Variants in DSCAM observed in about 807,000 individuals in gnomAD.
DSCAM encodes cell adhesion molecule DSCAM.
A neutral mutation model predicts 217.7 loss-of-function variants in DSCAM; 47 were observed. That is an observed-to-expected ratio of 0.22 (90% CI 0.17 to 0.28). The LOEUF (loss-of-function observed/expected upper bound fraction) is 0.28, where lower values mean the gene tolerates loss of function less well. Among genes scored for constraint, DSCAM ranks in the 10% least tolerant of loss-of-function variants. The probability of loss-of-function intolerance (pLI) is 1.00; values close to 1 mark genes in which losing one functional copy is unlikely to be tolerated. For missense variants in DSCAM, 2,080 were observed against 2,618.3 expected, an observed-to-expected ratio of 0.79 and a Z score of 4.49; for synonymous variants, 1,056 against 1,015.3, an observed-to-expected ratio of 1.04 and a Z score of -0.76.
intron 4 of DSCAM, among the ~76,000 whole-genome samples, chr21:40,360,391 C>T (rs1601585230): frequency 6.6e-6 from 1 of 152,036 alleles, no homozygotes; most frequent in East Asian, 1.9e-4. Flanking sequence ...ATCTAGGCCT[C>T]CCAAAGTGCT....
intron 1 of DSCAM, among the ~76,000 whole-genome samples, chr21:40,801,356 C>T (rs1569043105): frequency 6.6e-6 from 1 of 152,152 alleles, no homozygotes; most frequent in Non-Finnish European, 1.5e-5. Context: ...AAGCTCTCAT[C>T]TTGGCCAAGT....
At chr21:40,656,328 T>C (rs1205449471) in intron 3 of DSCAM, among the ~76,000 whole-genome samples, 1 of 152,192 alleles carries the variant, frequency 6.6e-6, no homozygotes, top group Non-Finnish European at 1.5e-5. Flanking sequence ...CACCAGCCCC[T>C]TCAAAATCCT....
intron 32 of DSCAM, among the ~76,000 whole-genome samples, chr21:40,013,959 C>T (rs1354721437): frequency 1.3e-5 from 2 of 152,248 alleles, no homozygotes; most frequent in African/African-American, 2.4e-5. Context: ...CTAACTTCTG[C>T]GTGGCTCTTC....
chr21:40,516,908 C>A (rs1039449537), intron 3 of DSCAM, among the ~76,000 whole-genome samples: 2 of 134,054 alleles, frequency 1.5e-5, no homozygotes, highest in Non-Finnish European at 3.3e-5. Flanking sequence ...TATATATATA[C>A]ACACACACAC....
intron 16 of DSCAM, among the ~76,000 whole-genome samples, chr21:40,165,413 T>G (rs2146768767): frequency 6.6e-6 from 1 of 152,346 alleles, no homozygotes; most frequent in East Asian, 1.9e-4. Context: ...CAAGTCTGCC[T>G]GCTGACAGGC....
At chr21:40,459,185 C>A (rs2075786720) in intron 3 of DSCAM, among the ~76,000 whole-genome samples, 1 of 151,758 alleles carries the variant, frequency 6.6e-6, no homozygotes, top group African/African-American at 2.4e-5. Context: ...TTAAATAAAT[C>A]AAAAGTTTTG....
chr21:40,460,542 T>C (rs908493004), intron 3 of DSCAM, among the ~76,000 whole-genome samples: 2 of 152,000 alleles, frequency 1.3e-5, no homozygotes, highest in African/African-American at 4.8e-5. Flanking sequence ...AGTAGGAAAA[T>C]GTTTTGTAAT....
chr21:40,733,569 A>G (rs546261126), intron 1 of DSCAM, among the ~76,000 whole-genome samples: 2 of 152,162 alleles, frequency 1.3e-5, no homozygotes, highest in Non-Finnish European at 2.9e-5. Context: ...CAAAATGTCA[A>G]TAGGCCGCTG....
intron 8 of DSCAM, among the ~76,000 whole-genome samples, chr21:40,313,972 G>A (rs1047980735): frequency 7.2e-5 from 11 of 152,154 alleles, no homozygotes; most frequent in African/African-American, 2.7e-4. Context: ...TAAGGAAGAG[G>A]TAAGGGATCC....
At chr21:40,425,826 T>A (rs896026851) in intron 3 of DSCAM, among the ~76,000 whole-genome samples, 6 of 152,098 alleles carry the variant, frequency 3.9e-5, no homozygotes, top group African/African-American at 1.4e-4. Context: ...CACACACACA[T>A]GCATGTGTAT....
At chr21:40,197,019 C>G (rs80154632) in intron 11 of DSCAM, among the ~76,000 whole-genome samples, 1 of 152,178 alleles carries the variant, frequency 6.6e-6, no homozygotes, top group Non-Finnish European at 1.5e-5. Context: ...CACCAAACAC[C>G]GCCTTTAAAT....
intron 3 of DSCAM, among the ~76,000 whole-genome samples, chr21:40,422,473 A>T (rs1021882545): frequency 8.0e-6 from 1 of 124,366 alleles, no homozygotes; most frequent in African/African-American, 2.6e-5. Context: ...CTACTAAAAA[A>T]AAATATATAT....
At chr21:40,209,422 G>A (rs1187751641) in intron 11 of DSCAM, among the ~76,000 whole-genome samples, 2 of 151,262 alleles carry the variant, frequency 1.3e-5, no homozygotes, top group Non-Finnish European at 2.9e-5. Flanking sequence ...TTCCTCTTCT[G>A]CTCTCTTTTC....
intron 1 of DSCAM, among the ~76,000 whole-genome samples, chr21:40,835,899 C>T (rs1353722817): frequency 6.6e-6 from 1 of 152,098 alleles, no homozygotes; most frequent in Non-Finnish European, 1.5e-5. Flanking sequence ...TTTTTTCTGA[C>T]AACTTAGGAT....
intron 11 of DSCAM, among the ~76,000 whole-genome samples, chr21:40,199,333 C>CT (rs1304612642): frequency 1.3e-5 from 2 of 152,152 alleles, no homozygotes; most frequent in Non-Finnish European, 2.9e-5. Flanking sequence ...AGATCTCATT[C>CT]TTTTTTATGG....
intron 3 of DSCAM, among the ~76,000 whole-genome samples, chr21:40,553,740 T>A (rs1302095399): frequency 1.3e-5 from 2 of 152,162 alleles, no homozygotes; most frequent in East Asian, 3.8e-4. Flanking sequence ...GCTTCAATTC[T>A]CAAATCCATT....
intron 6 of DSCAM, among the ~76,000 whole-genome samples, chr21:40,346,691 T>C (rs1764837635): frequency 6.6e-6 from 1 of 152,184 alleles, no homozygotes; most frequent in Non-Finnish European, 1.5e-5. Flanking sequence ...AAGCAAATCG[T>C]ATCACATATC....
intron 3 of DSCAM, among the ~76,000 whole-genome samples, chr21:40,675,723 G>C (rs986132193): frequency 2.0e-5 from 3 of 152,132 alleles, no homozygotes; most frequent in African/African-American, 7.2e-5. Flanking sequence ...ATAATAACCT[G>C]ATGTGCACAA....
intron 3 of DSCAM, among the ~76,000 whole-genome samples, chr21:40,391,691 G>C (rs2075135299): frequency 6.6e-6 from 1 of 152,176 alleles, no homozygotes; most frequent in Admixed American, 6.5e-5. Context: ...GTCCCACATA[G>C]CATCAGGTAT....
Sources: gnomAD v4.1 joint callset for allele counts (sites outside exome capture counted in the v4.1 genomes callset) on GRCh38, gnomAD v4.1.1 for gene constraint, MANE v1.5 for transcripts, NCBI Gene and HGNC (gene_info 2026-07-23, HGNC 2026-07-21) for gene names.